Variants in KCNIP1 observed in about 807,000 individuals in gnomAD.
KCNIP1 encodes potassium voltage-gated channel interacting protein 1, also known as A-type potassium channel modulatory protein KCNIP1.
Under a neutral mutation model 33.0 loss-of-function variants are expected in KCNIP1, and 18 were observed. The observed-to-expected ratio is 0.55, with a 90% confidence interval of 0.38 to 0.81. The LOEUF (loss-of-function observed/expected upper bound fraction) is 0.81. KCNIP1 is among the 30% of genes least tolerant of loss of function. The probability of loss-of-function intolerance (pLI) is 0.00; values close to 1 mark genes in which losing one functional copy is unlikely to be tolerated. For synonymous variants in KCNIP1, 93 were observed against 98.3 expected, an observed-to-expected ratio of 0.95 and a Z score of 0.32; for missense variants, 238 against 271.6, an observed-to-expected ratio of 0.88 and a Z score of 0.87.
At chr5:170,395,676 G>A (rs1754742259) in intron 1 of KCNIP1, among the ~76,000 whole-genome samples, 1 of 152,208 alleles carries the variant, frequency 6.6e-6, no homozygotes, top group African/African-American at 2.4e-5. Context: ...AGTGGGAGAT[G>A]GTGACAGGTT....
At chr5:170,536,157 A>G (rs1446104505) in intron 1 of KCNIP1, among the ~76,000 whole-genome samples, 1 of 152,258 alleles carries the variant, frequency 6.6e-6, no homozygotes, top group African/African-American at 2.4e-5. Context: ...CCCAGAGAGC[A>G]GCAGTGCCTT....
In KCNIP1 at chr5:170,699,070, C is replaced by T. The variant is rs757659998; in HGVS notation, c.62-19688C>T. The stretch of plus-strand genomic sequence containing the variant: ...CCGCTGAGGACTGAAGAGTTCTCCA[C>T]GTTTGCCCTTTAAAGTGACTTAAAA... On this transcript the variant is annotated intron_variant, in intron 1 of 7. Transcript: ENST00000328939. 3.9e-5 allele frequency among the ~76,000 whole-genome samples: 6 copies of T among 152,218 alleles called. 1 individual carries two copies. In the South Asian group the frequency reaches 1.2e-3, roughly 32 times the overall value.
intron 1 of KCNIP1, among the ~76,000 whole-genome samples, chr5:170,714,923 C>T (rs1359935981): frequency 1.3e-5 from 2 of 152,058 alleles, no homozygotes; most frequent in African/African-American, 2.4e-5. Flanking sequence ...TAGCCCTAAG[C>T]ATAAAGTATG....
chr5:170,685,053 C>T (rs1762495865), intron 1 of KCNIP1, among the ~76,000 whole-genome samples: 1 of 152,148 alleles, frequency 6.6e-6, no homozygotes, highest in Non-Finnish European at 1.5e-5. Flanking sequence ...GAACATACCT[C>T]CTTCAAGGTA....
intron 1 of KCNIP1, among the ~76,000 whole-genome samples, chr5:170,542,280 G>T (rs1486148797): frequency 1.3e-5 from 2 of 152,214 alleles, no homozygotes; most frequent in Non-Finnish European, 2.9e-5. Context: ...TGGTTTGGAA[G>T]TCAGACACAC....
At chr5:170,538,188 AG>A (rs1756067361) in intron 1 of KCNIP1, among the ~76,000 whole-genome samples, 1 of 152,190 alleles carries the variant, frequency 6.6e-6, no homozygotes, top group Admixed American at 6.5e-5. Flanking sequence ...CAGTATAGGC[AG>A]GAGGCTACTG....
Position 170,736,253 on chromosome 5 carries a change from T to C in KCNIP1, c.*447T>C, listed in dbSNP as rs183935585. Reference sequence around the variant, plus strand: ...CCTCCCAAACCAATGTGCCTGTTTCTCTTCCTTTGGTGGGAAGAATGAGAG... The same window carrying C: ...CCTCCCAAACCAATGTGCCTGTTTCCCTTCCTTTGGTGGGAAGAATGAGAG... On this transcript the variant is annotated 3_prime_UTR_variant, in exon 8 of 8. Coordinates refer to ENST00000328939, the MANE Select transcript of KCNIP1 (RefSeq NM_014592.4). 5.9e-6 allele frequency: 1 copy of C among 168,756 alleles called. No individual in the cohort carries two copies. Among genetic ancestry groups the C allele is most frequent in the East Asian group, 1.6e-4 (1 of 6,098 alleles). 10.5% of individuals were successfully genotyped at this position (168,756 alleles called of 1,614,324 possible). A position where few individuals can be genotyped will look rare whatever the true frequency, so the allele number is the denominator to read the frequency against.
chr5:170,615,813 C>A (rs1269993633), intron 1 of KCNIP1, among the ~76,000 whole-genome samples: 1 of 152,166 alleles, frequency 6.6e-6, no homozygotes, highest in African/African-American at 2.4e-5. Context: ...ATAGTACTTA[C>A]ATAATAAGGT....
intron 1 of KCNIP1, among the ~76,000 whole-genome samples, chr5:170,594,639 T>A (rs2113562801): frequency 6.6e-6 from 1 of 152,172 alleles, no homozygotes; most frequent in African/African-American, 2.4e-5. Flanking sequence ...GCCTCCTGAG[T>A]AGCTGGGATT....
intron 1 of KCNIP1, among the ~76,000 whole-genome samples, chr5:170,461,088 GA>G (rs1361600150): frequency 6.6e-6 from 1 of 152,006 alleles, no homozygotes; most frequent in Admixed American, 6.6e-5. Flanking sequence ...AAATACTTAG[GA>G]ATATACCTAA....
At chr5:170,549,788 C>G (rs940940143) in intron 1 of KCNIP1, among the ~76,000 whole-genome samples, 14 of 152,108 alleles carry the variant, frequency 9.2e-5, no homozygotes, top group Non-Finnish European at 1.2e-4. Flanking sequence ...TTATTTGACT[C>G]GGTGTTTTCA....
chr5:170,661,506 T>C (rs1326049510), intron 1 of KCNIP1, among the ~76,000 whole-genome samples: 1 of 151,994 alleles, frequency 6.6e-6, no homozygotes, highest in African/African-American at 2.4e-5. Context: ...TTTGTTTGGG[T>C]GAACAGGAAC....
chr5:170,463,524 AAATT>A (rs1310451954), intron 1 of KCNIP1, among the ~76,000 whole-genome samples: 4 of 152,188 alleles, frequency 2.6e-5, no homozygotes, highest in African/African-American at 4.8e-5. Context: ...TAACATTTGA[AAATT>A]AATTAATATA....
At chr5:170,502,306 C>T (rs966224313), upstream of KCNIP1, among the ~76,000 whole-genome samples, 1 of 152,192 alleles carries the variant, frequency 6.6e-6, no homozygotes, top group African/African-American at 2.4e-5. Context: ...GCTGGGATTG[C>T]AGAAAAGCAA....
At position 170,602,515 on chromosome 5, in the gene KCNIP1, C is replaced by T. The variant is rs561584819; in HGVS notation, c.61+97882C>T. On this transcript the variant is annotated intron_variant, in intron 1 of 7. Coordinates refer to ENST00000328939, the MANE Select transcript of KCNIP1 (RefSeq NM_014592.4). ...TGGAAGTGAGCATCTACCTGCCTGC[C>T]GTGCAGTTTGTGACTTTTAAGATGG... Among the ~76,000 whole-genome samples, 38 of 152,328 alleles carry T rather than the reference C, an allele frequency of 2.5e-4. No individual in the cohort carries two copies. The South Asian group carries it at 4.6e-3, about 18-fold the overall frequency.
upstream of KCNIP1, among the ~76,000 whole-genome samples, chr5:170,502,899 C>T (rs1757444122): frequency 6.6e-6 from 1 of 152,126 alleles, no homozygotes; most frequent in South Asian, 2.1e-4. Flanking sequence ...AATTCAACAC[C>T]ACAAGGCTTT....
intron 1 of KCNIP1, among the ~76,000 whole-genome samples, chr5:170,674,421 A>G (rs1475952571): frequency 6.6e-6 from 1 of 152,208 alleles, no homozygotes; most frequent in African/African-American, 2.4e-5. Flanking sequence ...CAAAGCAACA[A>G]ATGATTGGCG....
rs73325611 is a variant in KCNIP1 at position 170,360,853 on chromosome 5, G to C, written c.88+6889G>C. On this transcript the variant is annotated intron_variant, in intron 1 of 7. Coordinates refer to the KCNIP1 transcript ENST00000377360. Reference sequence around the variant, plus strand: ...GAGGAAGGAAGGTTGAATAAATAACGACTAAATGCTTTCCCTGCCGAGCAA... The same window carrying C: ...GAGGAAGGAAGGTTGAATAAATAACCACTAAATGCTTTCCCTGCCGAGCAA... Among the ~76,000 whole-genome samples, 476 of 152,320 alleles carry C rather than the reference G, an allele frequency of 3.1e-3. 3 individuals are homozygous for C. The highest frequency in any genetic ancestry group is 0.011 in the African/African-American group (455 of 41,574).
chr5:170,440,790 T>A (rs1755970493), intron 1 of KCNIP1, among the ~76,000 whole-genome samples: 1 of 152,072 alleles, frequency 6.6e-6, no homozygotes. Context: ...GAGTTGGGGG[T>A]TAACTGAGAT....
Sources: gnomAD v4.1 joint callset for allele counts (sites outside exome capture counted in the v4.1 genomes callset) on GRCh38, gnomAD v4.1.1 for gene constraint, MANE v1.5 for transcripts, NCBI Gene and HGNC (gene_info 2026-07-23, HGNC 2026-07-21) for gene names.